Variants in HECW1 observed in about 807,000 individuals in gnomAD.
The protein encoded by HECW1 is HECT, C2 and WW domain containing E3 ubiquitin protein ligase 1.
A neutral mutation model predicts 182.3 loss-of-function variants in HECW1; 61 were observed. The ratio of observed to expected loss-of-function variants is 0.33; its 90% CI spans 0.27 to 0.41. HECW1 has a LOEUF of 0.41. HECW1 is among the 10% of genes least tolerant of loss of function. HECW1 has a pLI of 1.00. For synonymous variants in HECW1, 859 were observed against 832.6 expected (o/e 1.03, Z -0.55); for missense variants, 1,739 against 2,108.9 (o/e 0.82, Z 3.44).
intron 5 of HECW1, among the ~76,000 whole-genome samples, chr7:43,339,150 GT>G (rs1812651648): frequency 6.6e-6 from 1 of 152,126 alleles, no homozygotes; most frequent in South Asian, 2.1e-4. Context: ...AGAGCTTCTT[GT>G]TTTTATCCTA....
At chr7:43,436,163 CAAAA>C (rs750081980) in intron 8 of HECW1, among the ~76,000 whole-genome samples, 1 of 67,042 alleles carries the variant, frequency 1.5e-5, no homozygotes, top group Non-Finnish European at 2.8e-5. Flanking sequence ...GACTTTGTCT[CAAAA>C]AAAAAAAAAA....
chr7:43,226,614 C>G (rs765118733), intron 2 of HECW1, among the ~76,000 whole-genome samples: 11 of 152,148 alleles, frequency 7.2e-5, no homozygotes, highest in Non-Finnish European at 1.2e-4. Flanking sequence ...GGGTCTGTGT[C>G]GTTCCAGATC....
At chr7:43,188,157 T>G (rs1188364997) in intron 2 of HECW1, among the ~76,000 whole-genome samples, 1 of 152,226 alleles carries the variant, frequency 6.6e-6, no homozygotes, top group Non-Finnish European at 1.5e-5. Context: ...TTTTCGTGGC[T>G]CACCAGTTTC....
At chr7:43,262,247 C>CATGTGTGTGT (rs138190088) in intron 3 of HECW1, among the ~76,000 whole-genome samples, 2 of 149,486 alleles carry the variant, frequency 1.3e-5, no homozygotes, top group Admixed American at 6.7e-5. Flanking sequence ...TGTATGTGTG[C>CATGTGTGTGT]GTGTGTGTGT....
At chr7:43,350,938 G>T (rs1267486706) in intron 5 of HECW1, among the ~76,000 whole-genome samples, 1 of 152,204 alleles carries the variant, frequency 6.6e-6, no homozygotes, top group East Asian at 1.9e-4. Context: ...GCATTGACAA[G>T]ACTTGTTTTA....
chr7:43,357,504 C>G (rs1025575853), intron 5 of HECW1, among the ~76,000 whole-genome samples: 7 of 152,012 alleles, frequency 4.6e-5, no homozygotes, highest in African/African-American at 1.7e-4. Context: ...TATGTGGGAG[C>G]TAACAAAGTG....
At position 43,492,112 on chromosome 7, in the gene HECW1, T is replaced by G. The variant is rs201511376; in HGVS notation, c.3272T>G (p.Leu1091Arg). 754 of 1,605,528 alleles carry G rather than the reference T, an allele frequency of 4.7e-4. 10 individuals are homozygous for G. Among genetic ancestry groups the G allele is most frequent in the Non-Finnish European group, 9.5e-5 (112 of 1,177,848 alleles). The stretch of plus-strand genomic sequence containing the variant: ...TCTAGAAACAGAGGAGCCTCTTTAC[T>G]GGCCAGGCCAGGACACAGCTTAGTA... Reference protein sequence around the residue: ...EVSRNRGASLLARPGHSLVAA... With the variant: ...EVSRNRGASLRARPGHSLVAA... The change falls in exon 18 of 30, where the codon CTG becomes CGG. Residue 1091 changes from leucine to arginine, a missense_variant. This residue lies in a region of HECW1 where 971 missense variants were observed against 1,029.1 expected (regional missense o/e 0.94). Coordinates refer to ENST00000395891, the MANE Select transcript of HECW1 (RefSeq NM_015052.5).
intron 19 of HECW1, among the ~76,000 whole-genome samples, chr7:43,494,054 A>G (rs1157670420): frequency 2.6e-5 from 4 of 152,132 alleles, no homozygotes; most frequent in African/African-American, 9.7e-5. Flanking sequence ...CTGCAATACC[A>G]TACTCCGACT....
intron 24 of HECW1, chr7:43,522,155 C>T (rs1453994673): frequency 2.6e-5 from 4 of 152,222 alleles, no homozygotes; most frequent in Admixed American, 2.0e-4. Context: ...TTATAAATTA[C>T]TCAAGCCATG....
At chr7:43,261,921 G>A (rs1801216714) in intron 3 of HECW1, among the ~76,000 whole-genome samples, 1 of 151,628 alleles carries the variant, frequency 6.6e-6, no homozygotes, top group African/African-American at 2.4e-5. Flanking sequence ...AAATTAGTCA[G>A]TAAAAAATTA....
intron 16 of HECW1, among the ~76,000 whole-genome samples, chr7:43,476,398 T>C (rs2078221017): frequency 6.6e-6 from 1 of 152,150 alleles, no homozygotes; most frequent in Non-Finnish European, 1.5e-5. Flanking sequence ...AAATGGGAAA[T>C]GGTTACACCA....
At chr7:43,508,781 C>T in intron 23 of HECW1, 188 bp from the exon 24 acceptor site, 2 of 630,282 alleles carry the variant, frequency 3.2e-6, no homozygotes, top group East Asian at 5.2e-5. Context: ...CATCTCCAAA[C>T]CAATTACTGC....
chr7:43,125,441 A>AT, intron 2 of HECW1, among the ~76,000 whole-genome samples: 1 of 152,174 alleles, frequency 6.6e-6, no homozygotes, highest in African/African-American at 2.4e-5. Context: ...TATATTTTCT[A>AT]TTACTCAGAC....
At chr7:43,136,338 C>T (rs950330217) in intron 2 of HECW1, among the ~76,000 whole-genome samples, 1 of 152,190 alleles carries the variant, frequency 6.6e-6, no homozygotes. Context: ...ATGACTGGAA[C>T]AAGGGTTGTT....
intron 24 of HECW1, among the ~76,000 whole-genome samples, chr7:43,535,673 T>A (rs1427456924): frequency 6.6e-6 from 1 of 152,212 alleles, no homozygotes; most frequent in African/African-American, 2.4e-5. Flanking sequence ...AAACCACTAT[T>A]TGCATGTATC....
intron 5 of HECW1, among the ~76,000 whole-genome samples, chr7:43,345,199 A>G (rs1040776860): frequency 2.0e-5 from 3 of 152,196 alleles, no homozygotes; most frequent in African/African-American, 7.2e-5. Context: ...TGAAATATGC[A>G]TATTGAAAAA....
chr7:43,268,348 G>A (rs1450530367), intron 3 of HECW1, among the ~76,000 whole-genome samples: 9 of 152,202 alleles, frequency 5.9e-5, no homozygotes, highest in Admixed American at 5.9e-4. Context: ...TTTAGAGATA[G>A]GCCACCAAGA....
intron 2 of HECW1, among the ~76,000 whole-genome samples, chr7:43,206,497 T>G (rs994099928): frequency 2.6e-5 from 4 of 152,210 alleles, no homozygotes; most frequent in Non-Finnish European, 5.9e-5. Context: ...CCCACTAGCT[T>G]GGAAGTAATG....
rs1214796180 is a variant in HECW1, at chr7:43,507,232, T to C, written c.3727T>C (p.Phe1243Leu). ...NFYRKLEAKGFGQGPGKIKLI... is the reference protein window; with the variant it reads ...NFYRKLEAKGLGQGPGKIKLI... ...CTACAGAAAACTGGAAGCCAAAGGA[T>C]TTGGTCAGGGTCCGGGGAAAATTAA... The change falls in exon 22 of 30, where the codon TTT becomes CTT. Residue 1243 changes from phenylalanine (F) to leucine (L), a missense_variant. By Grantham distance (22) the Phe-to-Leu change is conservative (BLOSUM62 0). This residue lies in a region of HECW1 where 420 missense variants were observed against 595.7 expected (regional missense o/e 0.71). Coordinates refer to ENST00000395891, the MANE Select transcript of HECW1 (RefSeq NM_015052.5). 1 of 1,613,608 alleles carries C rather than the reference T, an allele frequency of 6.2e-7. No individual in the cohort carries two copies. Among genetic ancestry groups the C allele is most frequent in the South Asian group, 1.1e-5 (1 of 91,076 alleles).
Sources: gnomAD v4.1 joint callset for allele counts (sites outside exome capture counted in the v4.1 genomes callset) on GRCh38, gnomAD v4.1.1 for gene constraint, gnomAD v4.1.1 regional missense constraint, MANE v1.5 for transcripts, NCBI Gene and HGNC (gene_info 2026-07-23, HGNC 2026-07-21) for gene names.